Variants in UBA3 observed in about 807,000 individuals in gnomAD.
UBA3 encodes ubiquitin like modifier activating enzyme 3.
A neutral mutation model predicts 73.5 loss-of-function variants in UBA3; 26 were observed. The observed-to-expected ratio is 0.35, with a 90% CI of 0.26 to 0.49. The LOEUF is 0.49. Ranked by LOEUF, UBA3 falls within the 20% of genes least tolerant of loss-of-function variation. The pLI, the probability that UBA3 is intolerant of heterozygous loss-of-function variation, is 0.98. For missense variants in UBA3, 495 were observed against 555.6 expected, an observed-to-expected ratio of 0.89 and a Z score of 1.10; for synonymous variants, 217 against 191.2, an observed-to-expected ratio of 1.13 and a Z score of -1.11.
chr3:69,060,733 G>A (rs533854228), intron 11 of UBA3, among the ~76,000 whole-genome samples: 1 of 152,166 alleles, frequency 6.6e-6, no homozygotes. Flanking sequence ...CTAGTGGGAG[G>A]TGTTTGGACC....
At position 69,055,543 on chromosome 3, in the gene UBA3, T is replaced by A; in HGVS notation, c.1304-18A>T. The A allele has an allele frequency of 1.3e-6, 2 of 1,567,996 alleles. No individual in the cohort carries two copies. Among genetic ancestry groups the A allele is most frequent in the Non-Finnish European group, 1.7e-6 (2 of 1,161,366 alleles). ...CCCCAATTCTAAAACAGAAAAAATA[T>A]TATTAATACAAGCAAAAAAAACTCA... On this transcript the variant is annotated intron_variant, in intron 17 of 17. Transcript: ENST00000361055.
intron 4 of UBA3, 154 bp downstream of exon 4, chr3:69,075,276 A>G: frequency 3.6e-6 from 1 of 278,050 alleles, no homozygotes; most frequent in Admixed American, 5.3e-5. Context: ...TACCATTTTA[A>G]TTACTGTTTG....
chr3:69,077,685 C>A, intron 3 of UBA3, 113 bp downstream of exon 3: 1 of 1,223,998 alleles, frequency 8.2e-7, no homozygotes, highest in Non-Finnish European at 1.1e-6. Context: ...TTTAGTTTCA[C>A]AAAACAATTT....
chr3:69,077,833 G>A lies in UBA3; in HGVS notation c.148C>T (p.Pro50Ser). The A allele has an allele frequency of 6.2e-7, 1 of 1,613,998 alleles. No individual in the cohort carries two copies. Among genetic ancestry groups the A allele is most frequent in the Non-Finnish European group, 8.5e-7 (1 of 1,179,978 alleles). The change falls in exon 3 of 18, where the codon CCC becomes TCC. Residue 50 changes from proline to serine, a missense_variant. Physicochemically the swap from Pro to Ser is moderately conservative, Grantham distance 74. Transcript: ENST00000361055. Reference protein sequence around the residue: ...HVKKFLERSGPFTHPDFEPST... With the variant: ...HVKKFLERSGSFTHPDFEPST... Reference sequence around the variant, plus strand: ...GGTTCGAAATCAGGGTGTGTGAAGGGTCCAGATCGCTCGAGGAACTTCTTT... The same window carrying A: ...GGTTCGAAATCAGGGTGTGTGAAGGATCCAGATCGCTCGAGGAACTTCTTT...
chr3:69,058,692 T>C (rs1224578590), intron 11 of UBA3, among the ~76,000 whole-genome samples: 3 of 152,088 alleles, frequency 2.0e-5, no homozygotes, highest in Non-Finnish European at 4.4e-5. Flanking sequence ...ATTGCCAAAA[T>C]GATGAGGACT....
intron 7 of UBA3, among the ~76,000 whole-genome samples, chr3:69,063,709 G>T (rs2092042747): frequency 6.6e-6 from 1 of 151,546 alleles, no homozygotes; most frequent in Non-Finnish European, 1.5e-5. Flanking sequence ...ACATAAAACT[G>T]CCCTAAAAAA....
chr3:69,070,852 C>T (rs960111918), intron 5 of UBA3, among the ~76,000 whole-genome samples: 1 of 152,084 alleles, frequency 6.6e-6, no homozygotes, highest in Admixed American at 6.6e-5. Flanking sequence ...CCCTTTGTTG[C>T]CCAGGCTGGT....
chr3:69,064,960 A>G (rs1053680985), intron 6 of UBA3, among the ~76,000 whole-genome samples: 5 of 152,166 alleles, frequency 3.3e-5, no homozygotes, highest in African/African-American at 1.2e-4. Context: ...CTTCCTCTAG[A>G]TTTTTAATTC....
intron 11 of UBA3, among the ~76,000 whole-genome samples, chr3:69,058,162 C>T (rs1340676457): frequency 3.3e-5 from 5 of 152,094 alleles, no homozygotes; most frequent in Non-Finnish European, 4.4e-5. Flanking sequence ...GATATCCTGA[C>T]CTTGTGATCC....
At chr3:69,071,701 C>A in intron 4 of UBA3, 84 bp from the exon 5 acceptor site, 1 of 784,440 alleles carries the variant, frequency 1.3e-6, no homozygotes, top group Admixed American at 3.5e-5. Context: ...AGTCTTAAGT[C>A]TACAAATTCT....
chr3:69,061,712 A>G lies in UBA3; in HGVS notation c.910+102T>C. On this transcript the variant is annotated intron_variant, in intron 11 of 17. Transcript: ENST00000361055. Reference sequence around the variant, plus strand: ...TACATGGTACCTTTACTGAACTTCAAGTGGATGGTACTGTCTAAACTCACT... The same window carrying G: ...TACATGGTACCTTTACTGAACTTCAGGTGGATGGTACTGTCTAAACTCACT... The G allele has an allele frequency of 6.1e-6, 4 of 651,426 alleles. No individual in the cohort carries two copies. The East Asian group carries it at 1.0e-4, about 17-fold the overall frequency. 40.4% of individuals were successfully genotyped at this position (651,426 alleles called of 1,614,324 possible).
At chr3:69,066,670 G>A (rs1035493635) in intron 6 of UBA3, among the ~76,000 whole-genome samples, 10 of 152,030 alleles carry the variant, frequency 6.6e-5, no homozygotes, top group African/African-American at 2.4e-4. Flanking sequence ...GACCTCAAGT[G>A]ATCCACCCAC....
intron 9 of UBA3, 96 bp from the exon 10 acceptor site, chr3:69,062,275 T>C: frequency 1.2e-6 from 1 of 834,400 alleles, no homozygotes; most frequent in Admixed American, 2.1e-5. Context: ...TTTCATACAA[T>C]TTGTTTCAAC....
At chr3:69,075,408 T>C in intron 4 of UBA3, 22 bp downstream of exon 4, 3 of 1,134,826 alleles carry the variant, frequency 2.6e-6, no homozygotes, top group African/African-American at 3.3e-5. Context: ...AAAATATTTA[T>C]ATATATATGT....
At chr3:69,075,304 C>T (rs982323958) in intron 4 of UBA3, 126 bp downstream of exon 4, 1 of 358,108 alleles carries the variant, frequency 2.8e-6, no homozygotes, top group African/African-American at 2.2e-5. Context: ...GCATGCTAAA[C>T]TTATCTAACA....
At chr3:69,074,180 A>G (rs908004796) in intron 4 of UBA3, among the ~76,000 whole-genome samples, 8 of 152,190 alleles carry the variant, frequency 5.3e-5, no homozygotes, top group African/African-American at 1.9e-4. Flanking sequence ...TAATGGCTTC[A>G]AAATTTAATA....
chr3:69,057,198 G>T, intron 12 of UBA3, 58 bp downstream of exon 12: 1 of 1,541,770 alleles, frequency 6.5e-7, no homozygotes, highest in East Asian at 2.3e-5. Flanking sequence ...AAAAGCTGCA[G>T]CAACGTCAAA....
chr3:69,055,554 A>G (rs1408163390), intron 17 of UBA3, 29 bp from the exon 18 acceptor site: 1 of 1,528,368 alleles, frequency 6.5e-7, no homozygotes, highest in Admixed American at 2.2e-5. Context: ...TATTAATACA[A>G]GCAAAAAAAA....
At chr3:69,062,941 C>T (rs146561403) in intron 9 of UBA3, 41 bp downstream of exon 9, 18,329 of 1,607,430 alleles carry the variant, frequency 0.011, 132 homozygotes, top group Non-Finnish European at 0.014. Context: ...TAATTCCATG[C>T]CAAGATACTA....
Sources: allele counts gnomAD v4.1 joint callset (sites outside exome capture counted in the v4.1 genomes callset), GRCh38; gene constraint gnomAD v4.1.1; transcripts MANE v1.5; gene names NCBI Gene and HGNC (gene_info 2026-07-23, HGNC 2026-07-21).